The following ADGRL2 variants were observed in gnomAD, a reference collection of about 807,000 sequenced individuals.
ADGRL2 encodes the protein adhesion G protein-coupled receptor L2, also known as calcium-independent alpha-latrotoxin receptor 2.
A neutral mutation model predicts 157.4 loss-of-function variants in ADGRL2; 44 were observed. That is an observed-to-expected ratio of 0.28 (90% CI 0.22 to 0.36). The LOEUF (loss-of-function observed/expected upper bound fraction) is 0.36. Among genes scored for constraint, ADGRL2 ranks in the 10% least tolerant of loss-of-function variants. The pLI, the probability that ADGRL2 is intolerant of heterozygous loss-of-function variation, is 1.00. For synonymous variants in ADGRL2, 585 were observed against 624.7 expected, an observed-to-expected ratio of 0.94 and a Z score of 0.95; for missense variants, 1,510 against 1,768.9, an observed-to-expected ratio of 0.85 and a Z score of 2.63.
chr1:81,955,181 TATC>T (rs1223102562), intron 10 of ADGRL2, among the ~76,000 whole-genome samples: 1 of 152,222 alleles, frequency 6.6e-6, no homozygotes, highest in African/African-American at 2.4e-5. Context: ...TTCTCTAACT[TATC>T]AGTAGAGGCT....
intron 2 of ADGRL2, among the ~76,000 whole-genome samples, chr1:81,540,289 A>G (rs940410590): frequency 3.3e-5 from 5 of 152,208 alleles, no homozygotes; most frequent in Admixed American, 3.3e-4. Flanking sequence ...AGTTAGGAAC[A>G]TGGAATTTAA....
rs188008743 is a variant in ADGRL2 at position 81,662,403 on chromosome 1, A to G, written c.-143+81423A>G. ...CCCTAGTAGCTGGGATTACAGGTGC[A>G]TGCCACCATGTCCAGCTAATTTTTG... is the stretch of plus-strand genomic sequence containing the variant. On this transcript the variant is annotated intron_variant, in intron 3 of 24. Coordinates refer to the ADGRL2 transcript ENST00000370721. 6.9e-4 allele frequency among the ~76,000 whole-genome samples: 105 copies of G among 151,312 alleles called. 2 individuals are homozygous for G. The East Asian group carries it at 0.019, about 28-fold the overall frequency.
At chr1:81,393,098 C>A (rs946587288) in intron 1 of ADGRL2, among the ~76,000 whole-genome samples, 1 of 151,834 alleles carries the variant, frequency 6.6e-6, no homozygotes, top group Non-Finnish European at 1.5e-5. Flanking sequence ...TCTTTTCTCT[C>A]CAATGGAGAT....
At chr1:81,542,283 G>A (rs928282174) in intron 2 of ADGRL2, among the ~76,000 whole-genome samples, 5 of 152,164 alleles carry the variant, frequency 3.3e-5, no homozygotes, top group African/African-American at 1.2e-4. Flanking sequence ...GAAAGTAAAA[G>A]GATGCCAGAG....
In ADGRL2 at chr1:81,371,222, T is replaced by C. The variant is rs767517983; in HGVS notation, c.-302+64713T>C. 4.6e-4 allele frequency among the ~76,000 whole-genome samples: 70 copies of C among 152,326 alleles called. 1 individual carries two copies. The highest frequency in any genetic ancestry group is 1.9e-4 in the Non-Finnish European group (13 of 68,036). The stretch of plus-strand genomic sequence containing the variant: ...ACCCTTCTTATGCCTGTTTGAACTT[T>C]GAACTATAGCCATAGGAATAAAATC... On this transcript the variant is annotated intron_variant, in intron 1 of 24. Coordinates refer to the ADGRL2 transcript ENST00000370721.
intron 2 of ADGRL2, among the ~76,000 whole-genome samples, chr1:81,859,430 AG>A (rs1240165451): frequency 1.4e-5 from 2 of 141,018 alleles, no homozygotes; most frequent in Non-Finnish European, 3.0e-5. Context: ...TTTTTGAGAC[AG>A]GGTCTTGCTC....
chr1:81,500,125 C>T (rs2078815425), intron 2 of ADGRL2, among the ~76,000 whole-genome samples: 1 of 152,152 alleles, frequency 6.6e-6, no homozygotes, highest in African/African-American at 2.4e-5. Flanking sequence ...CATCTCCTCG[C>T]TAAGATGGCT....
intron 2 of ADGRL2, among the ~76,000 whole-genome samples, chr1:81,537,195 A>T (rs2079760963): frequency 6.6e-6 from 1 of 152,232 alleles, no homozygotes; most frequent in Non-Finnish European, 1.5e-5. Context: ...AACTAGAAAA[A>T]AGCATCATCC....
chr1:81,353,944 G>A (rs901750203), intron 1 of ADGRL2, among the ~76,000 whole-genome samples: 1 of 152,162 alleles, frequency 6.6e-6, no homozygotes, highest in Non-Finnish European at 1.5e-5. Flanking sequence ...TCTTTGAGAA[G>A]CGTAGCATTT....
intron 2 of ADGRL2, among the ~76,000 whole-genome samples, chr1:81,530,418 C>T (rs1229069077): frequency 9.7e-6 from 1 of 103,232 alleles, no homozygotes; most frequent in Non-Finnish European, 1.9e-5. Context: ...AGTAGCTCAG[C>T]TCACTGCAAC....
At chr1:81,684,731 C>T (rs1247091665) in intron 3 of ADGRL2, among the ~76,000 whole-genome samples, 4 of 152,104 alleles carry the variant, frequency 2.6e-5, no homozygotes, top group Non-Finnish European at 5.9e-5. Context: ...AAGGGTTTTC[C>T]CAATGTTACC....
At chr1:81,807,845 T>C (rs754423667) in intron 1 of ADGRL2, among the ~76,000 whole-genome samples, 11 of 151,882 alleles carry the variant, frequency 7.2e-5, no homozygotes, top group Non-Finnish European at 1.6e-4. Flanking sequence ...TAATCAAAAA[T>C]ATTTAACATT....
intron 1 of ADGRL2, among the ~76,000 whole-genome samples, chr1:81,735,505 G>A (rs1306998820): frequency 3.9e-5 from 6 of 151,994 alleles, no homozygotes; most frequent in Non-Finnish European, 7.4e-5. Flanking sequence ...AGAGGTGTAA[G>A]TTGGCCAGGC....
chr1:81,781,024 T>C (rs956047820), intron 2 of ADGRL2, among the ~76,000 whole-genome samples: 1 of 152,228 alleles, frequency 6.6e-6, no homozygotes, highest in African/African-American at 2.4e-5. Context: ...TGAGCATTGA[T>C]ACAGAAAAGC....
At chr1:81,682,761 A>G (rs1240086377) in intron 3 of ADGRL2, among the ~76,000 whole-genome samples, 1 of 152,220 alleles carries the variant, frequency 6.6e-6, no homozygotes, top group African/African-American at 2.4e-5. Flanking sequence ...TCACCATTCA[A>G]GGGCTTTGCC....
Position 81,950,263 on chromosome 1 carries a change from T to A in ADGRL2, c.1285T>A (p.Ser429Thr). The A allele has an allele frequency of 6.2e-7, 1 of 1,614,060 alleles. No homozygotes were observed. The highest frequency in any genetic ancestry group is 8.5e-7 in the Non-Finnish European group (1 of 1,179,958). ...KTIISTTSTT[S>T]QKGPMSTTVA... ...CATAATATCAACCACAAGCACTACTTCACAGAAAGGCCCCATGAGCACAAC... is the reference window on the plus strand; with the variant it reads ...CATAATATCAACCACAAGCACTACTACACAGAAAGGCCCCATGAGCACAAC... The change falls in exon 7 of 24, where the codon TCA becomes ACA. Residue 429 changes from serine (S) to threonine (T), a missense_variant. Around this residue, in one of 4 missense-constraint regions of ADGRL2, gnomAD observed 325 missense variants for 333.2 expected, o/e 0.98. Transcript: ENST00000686636.
intron 1 of ADGRL2, chr1:81,426,447 C>T (rs777827613): frequency 2.5e-4 from 94 of 381,468 alleles, no homozygotes; most frequent in African/African-American, 1.5e-3. Flanking sequence ...GAGGTGAGTC[C>T]GGTCTCAAAA....
intron 2 of ADGRL2, among the ~76,000 whole-genome samples, chr1:81,905,949 T>A (rs529177947): frequency 0.035 from 3,220 of 92,910 alleles, 96 homozygotes; most frequent in African/African-American, 0.12. Flanking sequence ...AAAAGCAGAG[T>A]GTGTGTGTGT....
At chr1:81,887,189 G>A (rs1202337761) in intron 2 of ADGRL2, among the ~76,000 whole-genome samples, 2 of 152,164 alleles carry the variant, frequency 1.3e-5, no homozygotes, top group Admixed American at 1.3e-4. Context: ...ATTTCTTACT[G>A]AACCAATTGA....
Sources: allele counts gnomAD v4.1 joint callset (sites outside exome capture counted in the v4.1 genomes callset), GRCh38; gene constraint gnomAD v4.1.1; regional missense constraint gnomAD v4.1.1; transcripts MANE v1.5; gene names NCBI Gene and HGNC (gene_info 2026-07-23, HGNC 2026-07-21).